CA10: variants seen among roughly 807,000 people sequenced by gnomAD.
CA10 encodes the protein carbonic anhydrase-related protein 10.
A neutral mutation model predicts 44.2 loss-of-function variants in CA10; 14 were observed. The ratio of observed to expected loss-of-function variants is 0.32; its 90% CI spans 0.21 to 0.50. CA10 has a LOEUF of 0.50. Among genes scored for constraint, CA10 ranks in the 20% least tolerant of loss-of-function variants. The pLI, the probability that CA10 is intolerant of heterozygous loss-of-function variation, is 0.99. For missense variants in CA10, 350 were observed against 409.7 expected (o/e 0.85, Z 1.26); for synonymous variants, 159 against 141.6 (o/e 1.12, Z -0.87).
intron 3 of CA10, among the ~76,000 whole-genome samples, chr17:51,803,971 T>C (rs560089722): frequency 2.0e-4 from 30 of 152,348 alleles, no homozygotes; most frequent in South Asian, 4.1e-4. Context: ...TGGTATGACT[T>C]GGATACTCAC....
At chr17:51,798,257 C>A (rs756096721) in intron 3 of CA10, among the ~76,000 whole-genome samples, 4 of 152,162 alleles carry the variant, frequency 2.6e-5, no homozygotes, top group African/African-American at 9.7e-5. Context: ...GTTCCTTCTA[C>A]GTTATTTAGG....
intron 2 of CA10, among the ~76,000 whole-genome samples, chr17:51,941,128 C>T (rs1369884900): frequency 1.3e-5 from 2 of 152,098 alleles, no homozygotes; most frequent in African/African-American, 2.4e-5. Flanking sequence ...GTTATTCAGC[C>T]AGTGCACAGC....
chr17:51,933,131 T>C (rs1982731375), intron 2 of CA10, among the ~76,000 whole-genome samples: 2 of 152,176 alleles, frequency 1.3e-5, no homozygotes, highest in South Asian at 4.1e-4. Flanking sequence ...TCATGGTTCC[T>C]GTGGTAGGCC....
At chr17:51,711,434 TTTTG>T (rs1348211443) in intron 4 of CA10, among the ~76,000 whole-genome samples, 3 of 152,218 alleles carry the variant, frequency 2.0e-5, no homozygotes, top group Admixed American at 1.3e-4. Flanking sequence ...ATCTTGCTGG[TTTTG>T]TTTAATTTTA....
intron 2 of CA10, among the ~76,000 whole-genome samples, chr17:51,999,816 A>C (rs1442824600): frequency 6.6e-6 from 1 of 152,036 alleles, no homozygotes. Flanking sequence ...CTCTAGCACC[A>C]AGACACAGAA....
At chr17:51,701,352 A>C (rs1383969840) in intron 4 of CA10, among the ~76,000 whole-genome samples, 1 of 152,186 alleles carries the variant, frequency 6.6e-6, no homozygotes, top group Non-Finnish European at 1.5e-5. Flanking sequence ...AGTATGACTT[A>C]GTCTTAACTT....
At chr17:51,842,825 C>T (rs750129184) in intron 3 of CA10, among the ~76,000 whole-genome samples, 11 of 152,044 alleles carry the variant, frequency 7.2e-5, no homozygotes, top group African/African-American at 2.4e-4. Context: ...CTTCAGCTGG[C>T]TTTCAGTTTT....
At chr17:51,801,489 A>T (rs1567844084) in intron 3 of CA10, among the ~76,000 whole-genome samples, 2 of 151,510 alleles carry the variant, frequency 1.3e-5, no homozygotes, top group East Asian at 1.9e-4. Context: ...GAGGAAAAAA[A>T]TTAAAAAAAA....
chr17:51,905,178 C>T (rs1051030064), intron 3 of CA10, among the ~76,000 whole-genome samples: 2 of 152,100 alleles, frequency 1.3e-5, no homozygotes, highest in African/African-American at 4.8e-5. Flanking sequence ...TCCATCAGTG[C>T]TCCATAAATT....
chr17:51,646,773 G>A (rs771193545), intron 6 of CA10, among the ~76,000 whole-genome samples: 9 of 152,176 alleles, frequency 5.9e-5, no homozygotes, highest in African/African-American at 9.7e-5. Context: ...TTTCTGCTGC[G>A]CAAATCAATT....
intron 3 of CA10, among the ~76,000 whole-genome samples, chr17:51,823,963 C>T (rs1294721854): frequency 1.3e-5 from 2 of 152,178 alleles, no homozygotes; most frequent in African/African-American, 4.8e-5. Context: ...TGTCACTCCA[C>T]CCTGGTTTAT....
intron 2 of CA10, among the ~76,000 whole-genome samples, chr17:52,007,647 T>A (rs905735433): frequency 6.6e-6 from 1 of 151,614 alleles, no homozygotes; most frequent in Admixed American, 6.6e-5. Flanking sequence ...GCTGATGTTT[T>A]ATTTACAATT....
intron 1 of CA10, among the ~76,000 whole-genome samples, chr17:52,147,079 C>A (rs1030765474): frequency 4.6e-5 from 7 of 152,132 alleles, no homozygotes; most frequent in African/African-American, 1.7e-4. Context: ...GCTGAACTGA[C>A]ACAACTAGGA....
At chr17:52,048,323 T>C (rs565696684) in intron 2 of CA10, among the ~76,000 whole-genome samples, 1 of 152,008 alleles carries the variant, frequency 6.6e-6, no homozygotes, top group Non-Finnish European at 1.5e-5. Flanking sequence ...ACTAATCAGA[T>C]AGAAAGAAGC....
At chr17:52,039,098 A>G (rs933012098) in intron 2 of CA10, among the ~76,000 whole-genome samples, 1 of 152,122 alleles carries the variant, frequency 6.6e-6, no homozygotes, top group Non-Finnish European at 1.5e-5. Context: ...AGGGAAGTGT[A>G]GATTAATTCT....
intron 3 of CA10, among the ~76,000 whole-genome samples, chr17:51,846,712 G>A (rs1285630843): frequency 6.6e-6 from 1 of 152,192 alleles, no homozygotes; most frequent in Non-Finnish European, 1.5e-5. Context: ...ATGACATGAG[G>A]CAGAATTTCA....
intron 4 of CA10, among the ~76,000 whole-genome samples, chr17:51,730,377 T>C (rs980006681): frequency 4.6e-5 from 7 of 152,236 alleles, no homozygotes; most frequent in African/African-American, 1.7e-4. Flanking sequence ...CAGACTGTAA[T>C]GTAGGAATCT....
intron 4 of CA10, among the ~76,000 whole-genome samples, chr17:51,740,928 T>C (rs961312398): frequency 1.3e-5 from 2 of 152,238 alleles, no homozygotes; most frequent in African/African-American, 4.8e-5. Context: ...GCTCTAGTTC[T>C]CTCTCCATAG....
intron 3 of CA10, among the ~76,000 whole-genome samples, chr17:51,751,804 G>C (rs143904727): frequency 6.6e-6 from 1 of 152,188 alleles, no homozygotes; most frequent in Non-Finnish European, 1.5e-5. Flanking sequence ...ATACACCAAT[G>C]TGCCTTCTAG....
Sources: gnomAD v4.1 joint callset for allele counts (sites outside exome capture counted in the v4.1 genomes callset) on GRCh38, gnomAD v4.1.1 for gene constraint, MANE v1.5 for transcripts, NCBI Gene and HGNC (gene_info 2026-07-23, HGNC 2026-07-21) for gene names.